Variants in KRAS observed in about 807,000 individuals in gnomAD.
KRAS encodes GTPase KRas.
Under a neutral mutation model 21.0 loss-of-function variants are expected in KRAS, and 1 was observed. The observed-to-expected ratio is 0.05, with a 90% CI of 0.02 to 0.23. KRAS has a LOEUF of 0.23. KRAS is among the 10% of genes least tolerant of loss of function. The pLI is 1.00. For synonymous variants in KRAS, 67 were observed against 72.5 expected (o/e 0.92, Z 0.39); for missense variants, 107 against 221.8 (o/e 0.48, Z 3.29).
In KRAS at chr12:25,208,530, C is replaced by T; in HGVS notation, c.*1265G>A. The T allele has an allele frequency of 4.3e-6, 1 of 233,122 alleles. No individual in the cohort carries two copies. The highest frequency in any genetic ancestry group is 8.5e-6 in the Non-Finnish European group (1 of 117,844). The allele number at this position is 233,122 out of a possible 1,614,324, so 14.4% of individuals were successfully genotyped here. Reference sequence around the variant, plus strand: ...TAAAAAAAAAATTAATGTCTTGGCACACCACCACCCCAAAATCTCAACTTT... The same window carrying T: ...TAAAAAAAAAATTAATGTCTTGGCATACCACCACCCCAAAATCTCAACTTT... On this transcript the variant is annotated 3_prime_UTR_variant, in exon 5 of 5. Coordinates refer to ENST00000311936, the MANE Select transcript of KRAS (RefSeq NM_004985.5).
intron 2 of KRAS, among the ~76,000 whole-genome samples, chr12:25,230,353 G>C (rs1440753133): frequency 6.6e-6 from 1 of 152,138 alleles, no homozygotes; most frequent in African/African-American, 2.4e-5. Context: ...TCTTGGCCGG[G>C]TGCGATGGCT....
chr12:25,247,557 C>T (rs985318133), intron 1 of KRAS, among the ~76,000 whole-genome samples: 2 of 152,176 alleles, frequency 1.3e-5, no homozygotes, highest in Non-Finnish European at 2.9e-5. Context: ...TAAAATGTAT[C>T]TTCTAGCTCT....
intron 4 of KRAS, among the ~76,000 whole-genome samples, chr12:25,218,256 T>C (rs529328197): frequency 2.0e-5 from 3 of 152,196 alleles, no homozygotes; most frequent in African/African-American, 7.2e-5. Context: ...AATGTCAATG[T>C]AGAAGTACCA....
intron 2 of KRAS, among the ~76,000 whole-genome samples, chr12:25,241,993 C>T (rs1015265400): frequency 5.9e-5 from 9 of 151,638 alleles, no homozygotes; most frequent in Admixed American, 3.3e-4. Context: ...ATACTTCATT[C>T]GTAGGTAAAA....
chr12:25,242,500 G>A (rs1052637684), intron 2 of KRAS, among the ~76,000 whole-genome samples: 21 of 151,986 alleles, frequency 1.4e-4, no homozygotes, highest in African/African-American at 4.8e-4. Flanking sequence ...CAATAATCTT[G>A]CCCTAATAAC....
At chr12:25,236,666 G>A (rs930676156) in intron 2 of KRAS, among the ~76,000 whole-genome samples, 1 of 151,908 alleles carries the variant, frequency 6.6e-6, no homozygotes, top group Non-Finnish European at 1.5e-5. Flanking sequence ...GAGGGAGAGA[G>A]GGGAGCAGAG....
At chr12:25,220,213 T>C (rs1035702687) in intron 4 of KRAS, among the ~76,000 whole-genome samples, 9 of 152,134 alleles carry the variant, frequency 5.9e-5, no homozygotes, top group African/African-American at 2.2e-4. Flanking sequence ...ACCAGGAAAA[T>C]CTGTCAACAA....
At chr12:25,227,208 G>A (rs2141509082) in intron 3 of KRAS, 26 bp downstream of exon 3, 1 of 1,538,042 alleles carries the variant, frequency 6.5e-7, no homozygotes, top group Non-Finnish European at 9.0e-7. Flanking sequence ...CTTAATGTCA[G>A]CTTATTATAT....
Position 25,245,403 on chromosome 12 carries a change from T to G in KRAS, c.-11-8A>C. 4 of 1,594,428 alleles carry G rather than the reference T, an allele frequency of 2.5e-6. No individual in the cohort carries two copies. The highest frequency in any genetic ancestry group is 3.4e-6 in the Non-Finnish European group (4 of 1,168,088). On this transcript the variant is annotated splice_region_variant and splice_polypyrimidine_tract_variant and intron_variant, in intron 1 of 4. Transcript: ENST00000311936. ...CAGTCATTTTCAGCAGGCCTTATAA[T>G]AAAAATAATGAAAATGTGACTATAT... is the stretch of plus-strand genomic sequence containing the variant.
At chr12:25,231,092 C>CTTTTTTTT (rs34361223) in intron 2 of KRAS, among the ~76,000 whole-genome samples, 4 of 66,366 alleles carry the variant, frequency 6.0e-5, no homozygotes, top group Non-Finnish European at 8.3e-5. Context: ...ACCTCACATT[C>CTTTTTTTT]TTTTTTTTTT....
At position 25,217,109 on chromosome 12, in the gene KRAS, T is replaced by A. The variant is rs1592799934; in HGVS notation, c.451-7198A>T. ...AATGTAACAAAGTGGACCTAGCACC[T>A]AAAAAGTTAATGTATCACCAGTACC... is the stretch of plus-strand genomic sequence containing the variant. On this transcript the variant is annotated intron_variant, in intron 4 of 4. Coordinates refer to ENST00000311936, the MANE Select transcript of KRAS (RefSeq NM_004985.5). Among the ~76,000 whole-genome samples, 3 of 152,318 alleles carry A rather than the reference T, an allele frequency of 2.0e-5. No individual in the cohort carries two copies. The East Asian group carries it at 5.8e-4, about 29-fold the overall frequency.
In KRAS at chr12:25,215,515, A is replaced by T. The variant is rs397517476; in HGVS notation, c.451-5604T>A. 45 of 1,612,026 alleles carry T rather than the reference A, an allele frequency of 2.8e-5. No individual in the cohort carries two copies. Among genetic ancestry groups the T allele is most frequent in the Non-Finnish European group, 3.8e-5 (45 of 1,178,430 alleles). On this transcript the variant is annotated intron_variant, in intron 4 of 4. Coordinates refer to ENST00000311936, the MANE Select transcript of KRAS (RefSeq NM_004985.5). The stretch of plus-strand genomic sequence containing the variant: ...TCTTTGCTGATTTTTTTCAATCTGT[A>T]TTGTCGGATCTCTCTCACCAATGTA...
intron 1 of KRAS, among the ~76,000 whole-genome samples, chr12:25,246,964 T>C (rs1470244116): frequency 6.6e-6 from 1 of 151,742 alleles, no homozygotes; most frequent in Non-Finnish European, 1.5e-5. Flanking sequence ...CAGTAATCCA[T>C]GTGACTGTTA....
intron 1 of KRAS, among the ~76,000 whole-genome samples, chr12:25,249,049 A>G (rs1375277816): frequency 6.6e-6 from 1 of 152,258 alleles, no homozygotes; most frequent in Non-Finnish European, 1.5e-5. Context: ...TTTCTATTAT[A>G]AACATAACAT....
chr12:25,236,548 AGTTC>A (rs1319598301), intron 2 of KRAS, among the ~76,000 whole-genome samples: 5 of 151,626 alleles, frequency 3.3e-5, no homozygotes, highest in African/African-American at 1.2e-4. Flanking sequence ...ACACCTAATT[AGTTC>A]TCTGTGCTGA....
rs1169144839 is a variant in KRAS, at chr12:25,209,856, TTTTC to T, written c.502_505del (p.Glu168ArgfsTer2). The T allele has an allele frequency of 3.1e-6, 5 of 1,611,418 alleles. No individual in the cohort carries two copies. Among genetic ancestry groups the T allele is most frequent in the Non-Finnish European group, 4.2e-6 (5 of 1,178,006 alleles). ...CTTCTTTTTACCATCTTTGCTCATC[TTTTC>T]TTTATGTTTTCGAATTTCTCGAACT... On this transcript the variant is annotated frameshift_variant, in exon 5 of 5. Transcript: ENST00000311936. LOFTEE classifies it high-confidence loss of function.
chr12:25,237,582 C>T (rs923326415), intron 2 of KRAS, among the ~76,000 whole-genome samples: 3 of 152,084 alleles, frequency 2.0e-5, no homozygotes, highest in Non-Finnish European at 2.9e-5. Flanking sequence ...TAGAGATAGA[C>T]TTGGGAGTCT....
chr12:25,219,418 C>T (rs746485067), intron 4 of KRAS, among the ~76,000 whole-genome samples: 8 of 152,172 alleles, frequency 5.3e-5, no homozygotes, highest in Non-Finnish European at 1.2e-4. Context: ...GCTATGGAAA[C>T]AAAGCACTCC....
intron 1 of KRAS, among the ~76,000 whole-genome samples, chr12:25,247,040 C>T (rs1038642273): frequency 1.3e-5 from 2 of 152,094 alleles, no homozygotes; most frequent in Admixed American, 6.5e-5. Flanking sequence ...ATAACAAACA[C>T]CATACAGAAA....
Sources: allele counts gnomAD v4.1 joint callset (sites outside exome capture counted in the v4.1 genomes callset), GRCh38; gene constraint gnomAD v4.1.1; transcripts MANE v1.5; gene names NCBI Gene and HGNC (gene_info 2026-07-23, HGNC 2026-07-21).